Variants in MROH9 observed in about 807,000 individuals in gnomAD.
The protein encoded by MROH9 is maestro heat-like repeat-containing protein family member 9.
A neutral mutation model predicts 98.2 loss-of-function variants in MROH9; 92 were observed. That is an observed-to-expected ratio of 0.94 (90% confidence interval 0.79 to 1.11). The LOEUF (loss-of-function observed/expected upper bound fraction) is 1.11, where lower values mean the gene tolerates loss of function less well. Ranked by LOEUF, MROH9 falls within the 50% of genes most tolerant of loss-of-function variation. The probability of loss-of-function intolerance (pLI) is 0.00; values close to 1 mark genes in which losing one functional copy is unlikely to be tolerated. For synonymous variants in MROH9, 397 were observed against 368.9 expected (o/e 1.08, Z -0.87); for missense variants, 1,057 against 1,014.8 (o/e 1.04, Z -0.57).
intron 20 of MROH9, among the ~76,000 whole-genome samples, chr1:171,058,897 GA>G (rs1397132895): frequency 3.3e-5 from 5 of 152,126 alleles, no homozygotes; most frequent in African/African-American, 1.2e-4. Context: ...AACCCTAGAA[GA>G]AAACCTAGGC....
At chr1:171,025,576 T>C (rs1323862469) in intron 20 of MROH9, among the ~76,000 whole-genome samples, 156 bp downstream of exon 20, 1 of 152,182 alleles carries the variant, frequency 6.6e-6, no homozygotes, top group Non-Finnish European at 1.5e-5. Flanking sequence ...GTGATGAGAA[T>C]AGAGTTCTAT....
intron 17 of MROH9, among the ~76,000 whole-genome samples, chr1:171,023,539 T>C (rs1264195984): frequency 2.6e-5 from 4 of 152,204 alleles, no homozygotes; most frequent in Non-Finnish European, 4.4e-5. Flanking sequence ...AAGAAACTCA[T>C]TTTTCACAGT....
intron 1 of MROH9, among the ~76,000 whole-genome samples, chr1:170,939,919 A>G (rs1449808546): frequency 6.6e-6 from 1 of 152,196 alleles, no homozygotes; most frequent in Non-Finnish European, 1.5e-5. Context: ...GGCTGAAAAG[A>G]GCATCATTAT....
chr1:170,968,163 T>C (rs1213874361), intron 7 of MROH9, among the ~76,000 whole-genome samples: 2 of 152,044 alleles, frequency 1.3e-5, no homozygotes, highest in Admixed American at 6.6e-5. Flanking sequence ...TGTAGAACCC[T>C]AGAGAGTGAG....
chr1:170,973,830 G>A (rs927253071), intron 8 of MROH9, among the ~76,000 whole-genome samples: 19 of 152,254 alleles, frequency 1.2e-4, no homozygotes, highest in African/African-American at 4.3e-4. Context: ...AGCTGGTATC[G>A]TGCCACTGTA....
intron 20 of MROH9, among the ~76,000 whole-genome samples, chr1:171,034,156 T>C: frequency 6.6e-6 from 1 of 152,298 alleles, no homozygotes. Context: ...CTATAAAATA[T>C]AGAATATTGC....
intron 14 of MROH9, 112 bp from the exon 15 acceptor site, chr1:170,998,042 A>G: frequency 1.3e-6 from 1 of 784,362 alleles, no homozygotes; most frequent in Non-Finnish European, 2.0e-6. Context: ...GGAATATTAA[A>G]GAATATCTTT....
At chr1:170,946,110 T>C (rs1480541746) in intron 2 of MROH9, among the ~76,000 whole-genome samples, 1 of 151,912 alleles carries the variant, frequency 6.6e-6, no homozygotes, top group African/African-American at 2.4e-5. Flanking sequence ...ATCTAAGGAA[T>C]GCAGAAATAA....
At chr1:170,944,803 TAGTATCCACGTCTTA>T (rs1173193544) in intron 1 of MROH9, among the ~76,000 whole-genome samples, 1 of 152,026 alleles carries the variant, frequency 6.6e-6, no homozygotes, top group Non-Finnish European at 1.5e-5. Flanking sequence ...TCCTGTCCCC[TAGTATCCACGTCTTA>T]TATCAATCCC....
At chr1:170,959,638 C>T in intron 5 of MROH9, 41 bp downstream of exon 5, 1 of 1,575,374 alleles carries the variant, frequency 6.3e-7, no homozygotes, top group Non-Finnish European at 8.7e-7. Flanking sequence ...GATGTTATTA[C>T]ACATCACAGC....
chr1:171,024,662 C>T lies in MROH9; in HGVS notation c.2075C>T (p.Thr692Ile), dbSNP rs73040206. Reference protein sequence around the residue: ...DKRVAEACKYTLKICTSQLKW... With the variant: ...DKRVAEACKYILKICTSQLKW... ...TCTGTCTCACAGGCATGTAAATATA[C>T]ATTAAAAATCTGTACCTCACAATTA... Residue 692 changes from threonine (T) to isoleucine (I), a missense_variant, in exon 19 of 22, where the codon ACA becomes ATA. Transcript: ENST00000367759. The T allele has an allele frequency of 1.3e-3, 1,956 of 1,549,638 alleles. 23 individuals are homozygous for T. In the African/African-American group the frequency reaches 0.024, roughly 19 times the overall value.
At chr1:170,941,474 T>C (rs1269214049) in intron 1 of MROH9, among the ~76,000 whole-genome samples, 1 of 152,100 alleles carries the variant, frequency 6.6e-6, no homozygotes, top group Admixed American at 6.5e-5. Flanking sequence ...AAGAATTTAA[T>C]AGGCCTCCTA....
intron 20 of MROH9, among the ~76,000 whole-genome samples, chr1:171,051,180 T>G (rs1039074395): frequency 2.1e-4 from 32 of 152,216 alleles, no homozygotes; most frequent in Non-Finnish European, 1.8e-4. Flanking sequence ...GACATTGTGA[T>G]ATTTCCTCAA....
rs200783486 is a variant in MROH9 at position 170,990,015 on chromosome 1, C to T, written c.1028+12C>T. 458 of 1,606,400 alleles carry T rather than the reference C, an allele frequency of 2.9e-4. 1 individual carries two copies. The African/African-American group carries it at 5.3e-3, about 19-fold the overall frequency. On this transcript the variant is annotated intron_variant, in intron 11 of 21. Transcript: ENST00000367759. ...GTTCCAGCAGACGAGTAAGGCCCCCCAACCCTCTGTCCCTTCCACAAGGGC... is the reference window on the plus strand; with the variant it reads ...GTTCCAGCAGACGAGTAAGGCCCCCTAACCCTCTGTCCCTTCCACAAGGGC...
chr1:170,965,699 A>G (rs943945213), intron 7 of MROH9, among the ~76,000 whole-genome samples: 14 of 152,042 alleles, frequency 9.2e-5, no homozygotes, highest in Admixed American at 5.9e-4. Context: ...TCCCTTTACT[A>G]TCCTCTCCAC....
chr1:171,038,841 A>G (rs1653195636), intron 20 of MROH9, among the ~76,000 whole-genome samples: 1 of 152,120 alleles, frequency 6.6e-6, no homozygotes, highest in Non-Finnish European at 1.5e-5. Context: ...GAAGGGGATC[A>G]TGGTGTTAAC....
chr1:170,955,410 A>G (rs1426791951), intron 3 of MROH9, among the ~76,000 whole-genome samples: 5 of 152,218 alleles, frequency 3.3e-5, no homozygotes, highest in South Asian at 4.1e-4. Context: ...TTTCCATAGC[A>G]GCTGTACTAC....
chr1:170,996,646 T>A lies in MROH9; in HGVS notation c.1475+2T>A, dbSNP rs749309362. ...TCATGGAGTCTGCTTTATTGCTAAG[T>A]AAGAACAGGGGTCTCTGTGTAGGAT... On this transcript the variant is annotated splice_donor_variant, in intron 14 of 21. Coordinates refer to ENST00000367759, the MANE Select transcript of MROH9 (RefSeq NM_001163629.2). LOFTEE classifies it high-confidence loss of function. 3 of 1,613,128 alleles carry A rather than the reference T, an allele frequency of 1.9e-6. No homozygotes were observed. The highest frequency in any genetic ancestry group is 2.5e-6 in the Non-Finnish European group (3 of 1,179,426).
chr1:171,039,574 A>G (rs1018078140), intron 20 of MROH9, among the ~76,000 whole-genome samples: 12 of 152,194 alleles, frequency 7.9e-5, no homozygotes, highest in Admixed American at 7.9e-4. Flanking sequence ...AGCCCATATC[A>G]TAGACATATC....
Sources: allele counts gnomAD v4.1 joint callset (sites outside exome capture counted in the v4.1 genomes callset), GRCh38; gene constraint gnomAD v4.1.1; transcripts MANE v1.5; gene names NCBI Gene and HGNC (gene_info 2026-07-23, HGNC 2026-07-21).